ZBTB7A: variants seen among roughly 807,000 people sequenced by gnomAD.
ZBTB7A encodes the protein zinc finger and BTB domain containing 7A, also known as zinc finger and BTB domain-containing protein 7A.
ZBTB7A carries 7 observed loss-of-function variants against 26.7 expected under a neutral mutation model. That is an observed-to-expected ratio of 0.26 (90% CI 0.15 to 0.49). The LOEUF (loss-of-function observed/expected upper bound fraction) is 0.49. ZBTB7A is among the 20% of genes least tolerant of loss of function. The pLI is 0.98. For synonymous variants in ZBTB7A, 452 were observed against 441.0 expected (o/e 1.02, Z -0.31); for missense variants, 617 against 919.5 (o/e 0.67, Z 4.25).
At position 4,048,769 on chromosome 19, in the gene ZBTB7A, C is replaced by T. The variant is rs985823901; in HGVS notation, c.1263-525G>A. On this transcript the variant is annotated intron_variant, in intron 2 of 2. Transcript: ENST00000322357. The surrounding 1 kb of genome is among the most constrained non-coding windows in gnomAD (Gnocchi z 6.7). ...TAGGAAGGCTGAGGCAGGAGGATCA[C>T]TTGTATCTGGGAGGTGGAGGTTGCA... Among the ~76,000 whole-genome samples, 1 of 151,870 alleles carries T rather than the reference C, an allele frequency of 6.6e-6. No individual in the cohort carries two copies. Among genetic ancestry groups the T allele is most frequent in the African/African-American group, 2.4e-5 (1 of 41,340 alleles).
intron 2 of ZBTB7A, among the ~76,000 whole-genome samples, chr19:4,053,292 G>A (rs1051895093): frequency 1.1e-4 from 17 of 152,238 alleles, no homozygotes; most frequent in Admixed American, 1.1e-3. Context: ...GCCTGGTCTA[G>A]GCTGTTCTTA....
intron 1 of ZBTB7A, among the ~76,000 whole-genome samples, chr19:4,061,369 C>G (rs529748035): frequency 1.4e-4 from 22 of 152,218 alleles, no homozygotes; most frequent in African/African-American, 5.1e-4. Context: ...CCCGGCAGCC[C>G]CCGCCCCCTC....
chr19:4,054,625 GC>G lies in ZBTB7A; in HGVS notation c.607del (p.Ala203ProfsTer15). 6.3e-7 allele frequency: 1 copy of G among 1,593,016 alleles called. No individual in the cohort carries two copies. Among genetic ancestry groups the G allele is most frequent in the Non-Finnish European group, 8.5e-7 (1 of 1,172,468 alleles). ...DDLDATKEAV[A>X]AAVAAVAAGD... is the part of the protein sequence containing the mutation. ...CGCGGCCACGGCGGCCACAGCGGCG[GC>G]CACGGCCTCCTTGGTGGCATCCAGG... is the stretch of plus-strand genomic sequence containing the variant. On this transcript the variant is annotated frameshift_variant, in exon 2 of 3. Transcript: ENST00000322357. LOFTEE classifies it high-confidence loss of function.
intron 2 of ZBTB7A, among the ~76,000 whole-genome samples, chr19:4,051,849 C>CCA (rs1416046352): frequency 2.6e-5 from 4 of 152,246 alleles, no homozygotes; most frequent in Non-Finnish European, 4.4e-5. Flanking sequence ...GGCCAGAGGG[C>CCA]CACGCAGAGG....
At position 4,060,148 on chromosome 19, in the gene ZBTB7A, G is replaced by A. The variant is rs995254912; in HGVS notation, c.-15-4901C>T. Among the ~76,000 whole-genome samples, 4 of 152,130 alleles carry A rather than the reference G, an allele frequency of 2.6e-5. No individual in the cohort carries two copies. In the East Asian group the frequency reaches 7.7e-4, roughly 29 times the overall value. On this transcript the variant is annotated intron_variant, in intron 1 of 2. Transcript: ENST00000322357. ...CTCGGCGGCCGAGGGGCAGGCCCTG[G>A]CAGGCCCCTCCTGGGCTGGAGGTGG...
chr19:4,047,608 TATATCTGTATATATATATATAGATATAG>T lies in ZBTB7A; in HGVS notation c.*116_*143del. 2 of 609,144 alleles carry T rather than the reference TATATCTGTATATATATATATAGATATAG, an allele frequency of 3.3e-6. No individual in the cohort carries two copies. The highest frequency in any genetic ancestry group is 4.9e-6 in the Non-Finnish European group (2 of 411,540). 37.7% of individuals were successfully genotyped at this position (609,144 alleles called of 1,614,324 possible). On this transcript the variant is annotated 3_prime_UTR_variant, in exon 3 of 3. Transcript: ENST00000322357. ...TAGATTCTGTGACGCGTCATATATA[TATATCTGTATATATATATATAGATATAG>T]ATATCTGTATATAGATAGATTTTCT...
chr19:4,043,454 GT>G lies in ZBTB7A; in HGVS notation c.*4297del, dbSNP rs59932757. ...ACTCCCAAAAAGTGCATTTTTATCA[GT>G]TTTTTTTTTTTTTAAATCTCCCACA... On this transcript the variant is annotated 3_prime_UTR_variant, in exon 3 of 3. Coordinates refer to ENST00000322357, the MANE Select transcript of ZBTB7A (RefSeq NM_015898.4). Among the ~76,000 whole-genome samples the G allele has an allele frequency of 3.0e-4, 44 of 145,070 alleles. No homozygotes were observed. Among genetic ancestry groups the G allele is most frequent in the African/African-American group, 7.6e-4 (30 of 39,376 alleles).
Position 4,056,721 on chromosome 19 carries a change from G to A in ZBTB7A, c.-15-1474C>T, listed in dbSNP as rs554297560. Among the ~76,000 whole-genome samples the A allele has an allele frequency of 7.4e-4, 112 of 152,306 alleles. 1 individual carries two copies. Among genetic ancestry groups the A allele is most frequent in the African/African-American group, 2.7e-3 (111 of 41,556 alleles). ...TGTCTCTACTAAAAATACAAAAATAGATGGGCGTGATGGCACGTGCCTGTA... is the reference window on the plus strand; with the variant it reads ...TGTCTCTACTAAAAATACAAAAATAAATGGGCGTGATGGCACGTGCCTGTA... On this transcript the variant is annotated intron_variant, in intron 1 of 2. Transcript: ENST00000322357.
At position 4,059,440 on chromosome 19, in the gene ZBTB7A, C is replaced by G. The variant is rs557596512; in HGVS notation, c.-15-4193G>C. ...ACCCTCTCTTGGGCCCCTGTTCCCC[C>G]CTAAATATCACTGAGGCCCTCCCTC... On this transcript the variant is annotated intron_variant, in intron 1 of 2. Coordinates refer to ENST00000322357, the MANE Select transcript of ZBTB7A (RefSeq NM_015898.4). Among the ~76,000 whole-genome samples the G allele has an allele frequency of 1.4e-4, 21 of 152,266 alleles. No homozygotes were observed. In the South Asian group the frequency reaches 3.3e-3, roughly 24 times the overall value.
chr19:4,059,140 C>T (rs1004257033), intron 1 of ZBTB7A, among the ~76,000 whole-genome samples: 1 of 152,168 alleles, frequency 6.6e-6, no homozygotes, highest in African/African-American at 2.4e-5. Context: ...TCAGACGGGC[C>T]CGGGCCCTCC....
chr19:4,064,343 A>G (rs1568239099), intron 1 of ZBTB7A, among the ~76,000 whole-genome samples: 6 of 152,024 alleles, frequency 3.9e-5, no homozygotes, highest in Admixed American at 2.6e-4. Flanking sequence ...TTCTCCCCCA[A>G]GCTCTGTCTC....
chr19:4,059,108 T>G (rs2040613612), intron 1 of ZBTB7A, among the ~76,000 whole-genome samples: 1 of 152,126 alleles, frequency 6.6e-6, no homozygotes, highest in Non-Finnish European at 1.5e-5. Flanking sequence ...GCGGGGAGCG[T>G]GTGAGCAGAT....
At chr19:4,057,832 C>G (rs2040597341) in intron 1 of ZBTB7A, among the ~76,000 whole-genome samples, 1 of 152,014 alleles carries the variant, frequency 6.6e-6, no homozygotes, top group Non-Finnish European at 1.5e-5. Flanking sequence ...TACTTCCCGC[C>G]AGTTCCACCC....
Position 4,047,652 on chromosome 19 carries a change from T to G in ZBTB7A, c.*100A>C. 1 of 1,276,752 alleles carries G rather than the reference T, an allele frequency of 7.8e-7. No homozygotes were observed. Among genetic ancestry groups the G allele is most frequent in the Non-Finnish European group, 1.1e-6 (1 of 937,634 alleles). The allele number at this position is 1,276,752 out of a possible 1,614,324, so 79.1% of individuals were successfully genotyped here. A position where few individuals can be genotyped will look rare whatever the true frequency, so the allele number is the denominator to read the frequency against. ...ATAGATATAGATATCTGTATATAGA[T>G]AGATTTTCTTTTTTTGTGTTTTTGG... On this transcript the variant is annotated 3_prime_UTR_variant, in exon 3 of 3. Transcript: ENST00000322357.
Position 4,052,573 on chromosome 19 carries a change from G to A in ZBTB7A, c.1262+1398C>T, listed in dbSNP as rs1393702297. On this transcript the variant is annotated intron_variant, in intron 2 of 2. Coordinates refer to ENST00000322357, the MANE Select transcript of ZBTB7A (RefSeq NM_015898.4). The surrounding 1 kb of genome is among the most constrained non-coding windows in gnomAD (Gnocchi z 4.9). ...GTGGGGTTGGGAAGCTGGGACAATG[G>A]CCTCTTTCTTCAGCCTCGGTGGGCG... is the stretch of plus-strand genomic sequence containing the variant. 1.3e-5 allele frequency among the ~76,000 whole-genome samples: 2 copies of A among 152,030 alleles called. No individual in the cohort carries two copies. The highest frequency in any genetic ancestry group is 2.9e-5 in the Non-Finnish European group (2 of 67,982).
intron 2 of ZBTB7A, among the ~76,000 whole-genome samples, chr19:4,049,048 T>C (rs1387293733): frequency 6.7e-6 from 1 of 148,928 alleles, no homozygotes; most frequent in East Asian, 2.0e-4. Flanking sequence ...TGATCACGGT[T>C]CCCTGCAGCC....
intron 2 of ZBTB7A, among the ~76,000 whole-genome samples, chr19:4,050,704 T>C (rs924932570): frequency 6.6e-6 from 1 of 152,170 alleles, no homozygotes; most frequent in Non-Finnish European, 1.5e-5. Flanking sequence ...TGACTACACA[T>C]GGAAATGCAT....
At chr19:4,061,020 C>CTGGGGGATG (rs2040632592) in intron 1 of ZBTB7A, among the ~76,000 whole-genome samples, 1 of 152,196 alleles carries the variant, frequency 6.6e-6, no homozygotes, top group Non-Finnish European at 1.5e-5. Context: ...CTCTCTGAGC[C>CTGGGGGATG]TCTGTCTCCT....
rs1445844921 is a variant in ZBTB7A, at chr19:4,045,787, G to A, written c.*1965C>T. The A allele has an allele frequency of 3.3e-5, 13 of 397,824 alleles. No homozygotes were observed. The Admixed American group carries it at 4.0e-4, about 12-fold the overall frequency. The allele number at this position is 397,824 out of a possible 1,614,324, so 24.6% of individuals were successfully genotyped here. ...GTCTCCCCAACCCCGGCCCCTGTCC[G>A]TGGCCTGTGGCTCGGTCAACACCGG... is the stretch of plus-strand genomic sequence containing the variant. On this transcript the variant is annotated 3_prime_UTR_variant, in exon 3 of 3. Transcript: ENST00000322357. The surrounding 1 kb of genome is among the most constrained non-coding windows in gnomAD (Gnocchi z 4.1).
Sources: gnomAD v4.1 joint callset for allele counts (sites outside exome capture counted in the v4.1 genomes callset) on GRCh38, gnomAD v4.1.1 for gene constraint, Gnocchi (gnomAD v3.1) non-coding constraint, MANE v1.5 for transcripts, NCBI Gene and HGNC (gene_info 2026-07-23, HGNC 2026-07-21) for gene names.